Variants in SGCZ observed in about 807,000 individuals in gnomAD.
The protein encoded by SGCZ is sarcoglycan zeta.
In SGCZ, 40 loss-of-function variants were observed where a neutral mutation model predicts 41.3. The observed-to-expected ratio is 0.97, with a 90% CI of 0.75 to 1.26. The LOEUF is 1.26. Ranked by LOEUF, SGCZ falls within the 50% of genes most tolerant of loss-of-function variation. SGCZ has a pLI of 0.00. For synonymous variants in SGCZ, 206 were observed against 137.5 expected (o/e 1.50, Z -3.49); for missense variants, 552 against 369.8 (o/e 1.49, Z -4.04).
At chr8:14,625,504 G>T (rs17251320) in intron 1 of SGCZ, among the ~76,000 whole-genome samples, 29,969 of 152,152 alleles carry the variant, frequency 0.2, 3,659 homozygotes, top group Non-Finnish European at 0.28. Flanking sequence ...CTATATGGAA[G>T]GGAAAATACA....
intron 2 of SGCZ, among the ~76,000 whole-genome samples, chr8:14,442,726 C>A (rs527996564): frequency 3.3e-5 from 5 of 152,262 alleles, no homozygotes; most frequent in Admixed American, 6.5e-5. Context: ...TCTCCAACAT[C>A]TTCTGATTTG....
intron 3 of SGCZ, among the ~76,000 whole-genome samples, chr8:14,319,027 C>T (rs377394690): frequency 6.6e-6 from 1 of 151,658 alleles, no homozygotes; most frequent in South Asian, 2.1e-4. Flanking sequence ...CTCTAGATGA[C>T]AGTCACTTGT....
rs1441446755 is a variant in SGCZ at position 14,108,143 on chromosome 8, G to T, written c.620+20C>A. 1.2e-6 allele frequency: 2 copies of T among 1,611,620 alleles called. No individual in the cohort carries two copies. Among genetic ancestry groups the T allele is most frequent in the East Asian group, 2.2e-5 (1 of 44,850 alleles). ...AACAATGATGGATTTTATGCCACAGGTATAAGAGGAAGCCCTTACCTGAGA... is the reference window on the plus strand; with the variant it reads ...AACAATGATGGATTTTATGCCACAGTTATAAGAGGAAGCCCTTACCTGAGA... On this transcript the variant is annotated intron_variant, in intron 6 of 7. Transcript: ENST00000382080.
chr8:14,237,494 AACAACAACAACAACG>A (rs1431067720), intron 4 of SGCZ, 83 bp downstream of exon 4: 2 of 1,139,984 alleles, frequency 1.8e-6, no homozygotes, highest in African/African-American at 3.2e-5. Context: ...AAACAACAAC[AACAACAACAACAACG>A]ACAACAACAA....
intron 1 of SGCZ, among the ~76,000 whole-genome samples, chr8:14,694,369 T>C (rs1808892902): frequency 6.6e-6 from 1 of 152,236 alleles, no homozygotes; most frequent in Admixed American, 6.5e-5. Flanking sequence ...ATATTTTGCA[T>C]ATTCAGATTC....
At chr8:14,663,966 T>G (rs1807831430) in intron 1 of SGCZ, among the ~76,000 whole-genome samples, 1 of 152,142 alleles carries the variant, frequency 6.6e-6, no homozygotes, top group Non-Finnish European at 1.5e-5. Flanking sequence ...GCTGCAGAAA[T>G]ACTGTCTTCC....
At chr8:14,639,987 C>T (rs1342413861) in intron 1 of SGCZ, among the ~76,000 whole-genome samples, 1 of 151,648 alleles carries the variant, frequency 6.6e-6, no homozygotes, top group Non-Finnish European at 1.5e-5. Context: ...CCGAGATATA[C>T]TTGTCATCAA....
At chr8:14,586,394 A>G (rs1805058563) in intron 1 of SGCZ, among the ~76,000 whole-genome samples, 1 of 152,020 alleles carries the variant, frequency 6.6e-6, no homozygotes, top group South Asian at 2.1e-4. Flanking sequence ...TTGTGTTTTT[A>G]ATAGAGACAG....
At chr8:14,346,333 T>C (rs1802891103) in intron 2 of SGCZ, among the ~76,000 whole-genome samples, 1 of 152,048 alleles carries the variant, frequency 6.6e-6, no homozygotes, top group African/African-American at 2.4e-5. Flanking sequence ...AAAATATACA[T>C]TAGGAAACAA....
At chr8:15,006,249 G>A (rs1008790960) in intron 1 of SGCZ, among the ~76,000 whole-genome samples, 3 of 152,270 alleles carry the variant, frequency 2.0e-5, no homozygotes, top group South Asian at 2.1e-4. Context: ...TCTCCAGAAC[G>A]GAATAGCAAT....
intron 3 of SGCZ, among the ~76,000 whole-genome samples, chr8:14,275,614 G>A (rs1667984541): frequency 6.6e-6 from 1 of 152,138 alleles, no homozygotes; most frequent in African/African-American, 2.4e-5. Context: ...CAGGAATACT[G>A]TCCTGAGCTA....
At chr8:15,195,275 G>C (rs1484238710) in intron 1 of SGCZ, among the ~76,000 whole-genome samples, 2 of 152,106 alleles carry the variant, frequency 1.3e-5, no homozygotes, top group East Asian at 1.9e-4. Flanking sequence ...CCTCCTGTCA[G>C]CATCATTAAT....
chr8:15,135,686 T>C (rs1563144215), intron 1 of SGCZ, among the ~76,000 whole-genome samples: 2 of 152,140 alleles, frequency 1.3e-5, no homozygotes, highest in East Asian at 3.9e-4. Context: ...GTGTTTAGAC[T>C]GTGTGTAGTA....
intron 1 of SGCZ, among the ~76,000 whole-genome samples, chr8:15,009,283 G>A (rs1802734370): frequency 4.9e-5 from 1 of 20,582 alleles, no homozygotes; most frequent in African/African-American, 1.4e-4. Context: ...GAAAGGTGGA[G>A]GTGCAACACA....
chr8:14,875,526 G>C (rs1408232796), intron 1 of SGCZ, among the ~76,000 whole-genome samples: 1 of 152,098 alleles, frequency 6.6e-6, no homozygotes, highest in African/African-American at 2.4e-5. Context: ...GTCCCCACCT[G>C]AAAACCAGAG....
intron 2 of SGCZ, among the ~76,000 whole-genome samples, chr8:14,544,586 G>A (rs949157121): frequency 3.9e-5 from 6 of 152,052 alleles, no homozygotes; most frequent in South Asian, 2.1e-4. Flanking sequence ...ATAAATGGTC[G>A]CTATGGGAAT....
At chr8:14,680,327 G>C (rs754639574) in intron 1 of SGCZ, among the ~76,000 whole-genome samples, 1 of 151,972 alleles carries the variant, frequency 6.6e-6, no homozygotes. Flanking sequence ...ACACCAAAAG[G>C]GAACCCTAAT....
At chr8:15,121,524 C>T (rs1807476468) in intron 1 of SGCZ, among the ~76,000 whole-genome samples, 1 of 152,120 alleles carries the variant, frequency 6.6e-6, no homozygotes, top group African/African-American at 2.4e-5. Context: ...CCATAAGATG[C>T]TTACAGTAGT....
chr8:14,144,452 G>T (rs535668684), intron 5 of SGCZ, among the ~76,000 whole-genome samples: 6 of 152,280 alleles, frequency 3.9e-5, no homozygotes, highest in African/African-American at 1.4e-4. Context: ...AGAGCCCTTG[G>T]GCCCTGAGTA....
Sources: gnomAD v4.1 joint callset for allele counts (sites outside exome capture counted in the v4.1 genomes callset) on GRCh38, gnomAD v4.1.1 for gene constraint, MANE v1.5 for transcripts, NCBI Gene and HGNC (gene_info 2026-07-23, HGNC 2026-07-21) for gene names.